Variants in PCDH11X observed in about 807,000 individuals in gnomAD.
The protein encoded by PCDH11X is protocadherin 11 X-linked, also known as protocadherin-11 X-linked.
In PCDH11X, 18 loss-of-function variants were observed where a neutral mutation model predicts 53.3. The observed-to-expected ratio is 0.34, with a 90% CI of 0.23 to 0.50. PCDH11X has a LOEUF of 0.50. PCDH11X is among the 20% of genes least tolerant of loss of function. The probability of loss-of-function intolerance (pLI) is 0.98; values close to 1 mark genes in which losing one functional copy is unlikely to be tolerated. For synonymous variants in PCDH11X, 279 were observed against 393.3 expected (o/e 0.71, Z 3.44); for missense variants, 570 against 1,032.4 (o/e 0.55, Z 6.14).
rs200202559 is a variant in PCDH11X at position 92,309,332 on chromosome X, A to G, written c.3144+46189A>G. On this transcript the variant is annotated intron_variant, in intron 8 of 10. Transcript: ENST00000682573. ...CTTTAAAAAATGAGGGAAATTCTGC[A>G]ATATGCTACAACATGAATGAACCCT... Among the ~76,000 whole-genome samples the G allele has an allele frequency of 8.0e-5, 9 of 112,080 alleles. No individual in the cohort carries two copies. The East Asian group carries it at 2.0e-3, about 24-fold the overall frequency.
intron 6 of PCDH11X, among the ~76,000 whole-genome samples, chrX:91,929,676 C>T (rs1208012731): frequency 9.0e-6 from 1 of 111,311 alleles, no homozygotes; most frequent in Non-Finnish European, 1.9e-5. Flanking sequence ...ATAAAATTAA[C>T]TTCGTGGCAG....
At chrX:92,568,557 G>C (rs1921803489) in intron 10 of PCDH11X, among the ~76,000 whole-genome samples, 1 of 109,517 alleles carries the variant, frequency 9.1e-6, no homozygotes, top group Non-Finnish European at 1.9e-5. Flanking sequence ...AGGAATAATA[G>C]AATAAACCGT....
chrX:91,871,725 C>T (rs1456252650), intron 5 of PCDH11X, among the ~76,000 whole-genome samples: 1 of 111,372 alleles, frequency 9.0e-6, no homozygotes, highest in Non-Finnish European at 1.9e-5. Flanking sequence ...AAAAACTTCT[C>T]TTGCAAATTT....
chrX:92,288,691 CAG>C (rs768813168), intron 8 of PCDH11X, among the ~76,000 whole-genome samples: 2 of 111,082 alleles, frequency 1.8e-5, no homozygotes, highest in South Asian at 7.5e-4. Context: ...AAATAAAAAT[CAG>C]AGGAAATGTA....
rs748703322 is a variant in PCDH11X at position 92,015,000 on chromosome X, T to C, written c.3033+135727T>C. On this transcript the variant is annotated intron_variant, in intron 6 of 10. Coordinates refer to ENST00000682573, the MANE Select transcript of PCDH11X (RefSeq NM_032968.5). The stretch of plus-strand genomic sequence containing the variant: ...TGTTTACATATGGAACAAACCTGCA[T>C]GTTGTGCACATGTACCCTAAAACTT... 6.6e-3 allele frequency among the ~76,000 whole-genome samples: 737 copies of C among 110,872 alleles called. 3 individuals carry two copies. Among genetic ancestry groups the C allele is most frequent in the Non-Finnish European group, 9.4e-3 (496 of 52,946 alleles).
At chrX:92,108,368 T>C (rs1200308083) in intron 6 of PCDH11X, among the ~76,000 whole-genome samples, 1 of 112,272 alleles carries the variant, frequency 8.9e-6, no homozygotes, top group Non-Finnish European at 1.9e-5. Flanking sequence ...CAAGACACTG[T>C]ACTTCAAATC....
At chrX:91,868,027 T>C (rs1939086283) in intron 5 of PCDH11X, among the ~76,000 whole-genome samples, 1 of 110,992 alleles carries the variant, frequency 9.0e-6, no homozygotes, top group Admixed American at 9.6e-5. Flanking sequence ...AAAAACCAGG[T>C]CACTGAGAAA....
intron 8 of PCDH11X, among the ~76,000 whole-genome samples, chrX:92,385,485 T>C (rs1317296285): frequency 9.7e-6 from 1 of 103,002 alleles, no homozygotes; most frequent in African/African-American, 3.5e-5. Flanking sequence ...AATCAGATAA[T>C]ACAGTCAATG....
At chrX:92,613,542 TTGTTG>T (rs1360301526) in intron 10 of PCDH11X, among the ~76,000 whole-genome samples, 2,039 of 94,069 alleles carry the variant, frequency 0.022, 40 homozygotes, top group Admixed American at 0.033. Flanking sequence ...GTTGTTGTTG[TTGTTG>T]TGTGTGTGTG....
At chrX:92,106,676 T>C (rs1313591230) in intron 6 of PCDH11X, among the ~76,000 whole-genome samples, 1 of 112,283 alleles carries the variant, frequency 8.9e-6, no homozygotes. Context: ...GGTTATCTTT[T>C]TTAAATAATT....
intron 8 of PCDH11X, among the ~76,000 whole-genome samples, chrX:92,268,183 T>G (rs1349800052): frequency 8.9e-6 from 1 of 112,528 alleles, no homozygotes; most frequent in Non-Finnish European, 1.9e-5. Flanking sequence ...CTTTTTGGAC[T>G]ATTATGATCT....
intron 6 of PCDH11X, among the ~76,000 whole-genome samples, chrX:91,907,410 C>CAGAGAGAG (rs1302662059): frequency 3.5e-3 from 199 of 56,175 alleles, no homozygotes; most frequent in African/African-American, 0.011. Context: ...CACACACACA[C>CAGAGAGAG]ACAGAGAGAG....
intron 6 of PCDH11X, among the ~76,000 whole-genome samples, chrX:91,916,815 A>G (rs1171957102): frequency 2.7e-5 from 3 of 111,258 alleles, no homozygotes; most frequent in Non-Finnish European, 5.7e-5. Flanking sequence ...AAATCATTCT[A>G]TGAAGTGTCA....
chrX:92,408,453 A>G (rs952234672), intron 9 of PCDH11X, among the ~76,000 whole-genome samples: 1 of 109,922 alleles, frequency 9.1e-6, no homozygotes, highest in Admixed American at 9.7e-5. Flanking sequence ...TGTCAAGCTC[A>G]TGTAGAAGGG....
chrX:92,064,709 T>C lies in PCDH11X; in HGVS notation c.3034-136666T>C, dbSNP rs746248111. Among the ~76,000 whole-genome samples, 181 of 110,047 alleles carry C rather than the reference T, an allele frequency of 1.6e-3. 1 individual carries two copies. Among genetic ancestry groups the C allele is most frequent in the African/African-American group, 5.9e-3 (178 of 29,991 alleles). On this transcript the variant is annotated intron_variant, in intron 6 of 10. Transcript: ENST00000682573. ...AATTGAGAAACTTATTAGTTCTAAA[T>C]TGGACAGTGCAATAAATTTTTTGTT...
At chrX:92,261,845 CT>C (rs1453932800) in intron 7 of PCDH11X, among the ~76,000 whole-genome samples, 1 of 111,225 alleles carries the variant, frequency 9.0e-6, no homozygotes, top group Non-Finnish European at 1.9e-5. Flanking sequence ...TCCAAGGACA[CT>C]TTCTTGGAAG....
chrX:92,622,074 C>T lies in PCDH11X; in HGVS notation c.*3134C>T, dbSNP rs888906575. On this transcript the variant is annotated 3_prime_UTR_variant, in exon 11 of 11. Coordinates refer to ENST00000682573, the MANE Select transcript of PCDH11X (RefSeq NM_032968.5). ...TCAGTGTATTAAAAATTAGCTTTTACATATGATATCTACAATGTAATAAAT... is the reference window on the plus strand; with the variant it reads ...TCAGTGTATTAAAAATTAGCTTTTATATATGATATCTACAATGTAATAAAT... 1.0e-5 allele frequency: 1 copy of T among 100,173 alleles called. No individual in the cohort carries two copies. The highest frequency in any genetic ancestry group is 2.0e-5 in the Non-Finnish European group (1 of 49,529). 8.3% of individuals were successfully genotyped at this position (100,173 alleles called of 1,213,427 possible).
intron 8 of PCDH11X, among the ~76,000 whole-genome samples, chrX:92,322,708 G>T (rs771432780): frequency 9.0e-6 from 1 of 111,305 alleles, no homozygotes; most frequent in African/African-American, 3.3e-5. Flanking sequence ...TATTAATAAC[G>T]CTCTTATCAA....
chrX:92,131,686 G>T (rs1426658462), intron 6 of PCDH11X, among the ~76,000 whole-genome samples: 1 of 111,387 alleles, frequency 9.0e-6, no homozygotes, highest in Non-Finnish European at 1.9e-5. Flanking sequence ...TAAGGTCTGA[G>T]TTCTGAAGAT....
Sources: allele counts gnomAD v4.1 joint callset (sites outside exome capture counted in the v4.1 genomes callset), GRCh38; gene constraint gnomAD v4.1.1; transcripts MANE v1.5; gene names NCBI Gene and HGNC (gene_info 2026-07-23, HGNC 2026-07-21).